PIK3C2G: variants seen among roughly 807,000 people sequenced by gnomAD.
The protein encoded by PIK3C2G is phosphatidylinositol 3-kinase C2 domain-containing subunit gamma.
In PIK3C2G, 168 loss-of-function variants were observed where a neutral mutation model predicts 181.1. The observed-to-expected ratio is 0.93, with a 90% CI of 0.82 to 1.05. The LOEUF (loss-of-function observed/expected upper bound fraction) is 1.05, where lower values mean the gene tolerates loss of function less well. Among genes scored for constraint, PIK3C2G ranks in the 50% least tolerant of loss-of-function variants. PIK3C2G has a pLI of 0.00. For synonymous variants in PIK3C2G, 573 were observed against 592.2 expected, an observed-to-expected ratio of 0.97 and a Z score of 0.47; for missense variants, 1,869 against 1,732.8, an observed-to-expected ratio of 1.08 and a Z score of -1.40.
intron 26 of PIK3C2G, among the ~76,000 whole-genome samples, chr12:18,559,821 T>TATATATAGAG (rs1945244509): frequency 2.7e-4 from 5 of 18,370 alleles, no homozygotes; most frequent in Non-Finnish European, 2.9e-4. Context: ...TATATATATA[T>TATATATAGAG]AGAGAGAGAG....
chr12:18,646,142 C>G (rs1313532642), intron 32 of PIK3C2G, among the ~76,000 whole-genome samples: 1 of 152,090 alleles, frequency 6.6e-6, no homozygotes, highest in Non-Finnish European at 1.5e-5. Flanking sequence ...CTCTTAAAAT[C>G]CTTTATTATC....
the PIK3C2G span, among the ~76,000 whole-genome samples, chr12:18,680,233 C>T: frequency 6.6e-6 from 1 of 151,952 alleles, no homozygotes; most frequent in South Asian, 2.1e-4. Context: ...AAAGGGATTC[C>T]ATTCTCTCTG....
chr12:18,683,162 A>G, the PIK3C2G span: 2 of 1,264,950 alleles, frequency 1.6e-6, no homozygotes, highest in African/African-American at 1.5e-5. Context: ...TATGTTTAAA[A>G]AAGAAAACAT....
At chr12:18,576,379 C>A (rs532782462) in intron 29 of PIK3C2G, among the ~76,000 whole-genome samples, 21 of 152,190 alleles carry the variant, frequency 1.4e-4, no homozygotes, top group African/African-American at 5.1e-4. Flanking sequence ...AATAGCACAC[C>A]AAATCATGAC....
At chr12:18,696,040 G>T in the PIK3C2G span, 1 of 614,614 alleles carries the variant, frequency 1.6e-6, no homozygotes, top group Non-Finnish European at 2.9e-6. Context: ...AAAGCCCCCG[G>T]GCTAAAAAAT....
At chr12:18,724,059 G>A in the PIK3C2G span, among the ~76,000 whole-genome samples, 2 of 152,068 alleles carry the variant, frequency 1.3e-5, no homozygotes, top group Admixed American at 6.6e-5. Context: ...GAGTGGATTC[G>A]AAAGGTCATA....
At chr12:18,433,023 T>C (rs1361725713) in intron 18 of PIK3C2G, among the ~76,000 whole-genome samples, 1 of 151,762 alleles carries the variant, frequency 6.6e-6, no homozygotes, top group Non-Finnish European at 1.5e-5. Flanking sequence ...ATGAAAACCA[T>C]ATTGAAAATT....
intron 18 of PIK3C2G, among the ~76,000 whole-genome samples, chr12:18,452,985 T>A (rs2135897947): frequency 6.6e-6 from 1 of 152,280 alleles, no homozygotes. Context: ...TTACTTCCAA[T>A]TATGTGGTCT....
chr12:18,608,268 T>A (rs1948155601), intron 30 of PIK3C2G, among the ~76,000 whole-genome samples: 1 of 152,062 alleles, frequency 6.6e-6, no homozygotes, highest in Non-Finnish European at 1.5e-5. Context: ...GTATGTTTAT[T>A]GCGGCACTAT....
At chr12:18,472,856 C>G (rs185199622) in intron 18 of PIK3C2G, among the ~76,000 whole-genome samples, 1 of 152,046 alleles carries the variant, frequency 6.6e-6, no homozygotes, top group Non-Finnish European at 1.5e-5. Context: ...CCCGCCACCA[C>G]GCCCAGCTAA....
chr12:18,547,754 A>C (rs1209716173), intron 26 of PIK3C2G, among the ~76,000 whole-genome samples: 1 of 152,044 alleles, frequency 6.6e-6, no homozygotes, highest in Admixed American at 6.6e-5. Flanking sequence ...AATGCCCTTT[A>C]ATAGTACAAT....
intron 13 of PIK3C2G, among the ~76,000 whole-genome samples, chr12:18,374,625 C>A (rs967125722): frequency 5.3e-5 from 8 of 152,186 alleles, no homozygotes; most frequent in African/African-American, 1.4e-4. Context: ...TTACTCCATG[C>A]ACACTCTGTA....
At chr12:18,317,419 C>T (rs1950916922) in intron 6 of PIK3C2G, among the ~76,000 whole-genome samples, 1 of 152,024 alleles carries the variant, frequency 6.6e-6, no homozygotes, top group Non-Finnish European at 1.5e-5. Context: ...GGGATAAGTA[C>T]TTTATACAGT....
At chr12:18,371,661 GA>G (rs2137880521) in intron 13 of PIK3C2G, among the ~76,000 whole-genome samples, 1 of 152,240 alleles carries the variant, frequency 6.6e-6, no homozygotes, top group East Asian at 1.9e-4. Flanking sequence ...GTAAGTCATG[GA>G]ATTCTGGCTA....
At chr12:18,653,814 T>G in the PIK3C2G span, among the ~76,000 whole-genome samples, 1 of 152,222 alleles carries the variant, frequency 6.6e-6, no homozygotes, top group African/African-American at 2.4e-5. Flanking sequence ...TAAAATAAAA[T>G]ATAGGAACTC....
At chr12:18,333,978 T>C (rs969765085) in intron 8 of PIK3C2G, among the ~76,000 whole-genome samples, 2 of 152,158 alleles carry the variant, frequency 1.3e-5, no homozygotes, top group African/African-American at 2.4e-5. Context: ...ACCCACCTTT[T>C]CAAATGTTCA....
chr12:18,472,986 C>T (rs1023920108), intron 18 of PIK3C2G, among the ~76,000 whole-genome samples: 12 of 152,080 alleles, frequency 7.9e-5, no homozygotes, highest in African/African-American at 2.7e-4. Flanking sequence ...AGGCGTGAGC[C>T]GTCGCGCATG....
chr12:18,667,520 G>C, the PIK3C2G span, among the ~76,000 whole-genome samples: 2 of 152,030 alleles, frequency 1.3e-5, no homozygotes, highest in Admixed American at 1.3e-4. Context: ...CTAGAGTTTG[G>C]CTTGTTTTTA....
intron 13 of PIK3C2G, among the ~76,000 whole-genome samples, chr12:18,376,415 A>G (rs1378980527): frequency 1.3e-5 from 2 of 152,094 alleles, no homozygotes; most frequent in East Asian, 3.9e-4. Context: ...CAATTTCTGT[A>G]CCCTCATTTT....
Sources: allele counts gnomAD v4.1 joint callset (sites outside exome capture counted in the v4.1 genomes callset), GRCh38; gene constraint gnomAD v4.1.1; transcripts MANE v1.5; gene names NCBI Gene and HGNC (gene_info 2026-07-23, HGNC 2026-07-21).